ANK3: variants seen among roughly 807,000 people sequenced by gnomAD.
ANK3 encodes ankyrin 3.
A neutral mutation model predicts 370.9 loss-of-function variants in ANK3; 57 were observed. That is an observed-to-expected ratio of 0.15 (90% CI 0.12 to 0.19). The LOEUF (loss-of-function observed/expected upper bound fraction) is 0.19, where lower values mean the gene tolerates loss of function less well. Among genes scored for constraint, ANK3 ranks in the 10% least tolerant of loss-of-function variants. The pLI, the probability that ANK3 is intolerant of heterozygous loss-of-function variation, is 1.00. For missense variants in ANK3, 4,439 were observed against 5,302.1 expected, an observed-to-expected ratio of 0.84 and a Z score of 5.06; for synonymous variants, 1,929 against 1,946.3, an observed-to-expected ratio of 0.99 and a Z score of 0.23.
intron 1 of ANK3, among the ~76,000 whole-genome samples, chr10:60,625,677 T>C (rs775562673): frequency 3.9e-5 from 6 of 152,196 alleles, no homozygotes; most frequent in Non-Finnish European, 7.3e-5. Context: ...TATTAATATC[T>C]ACAATCTCAT....
intron 2 of ANK3, among the ~76,000 whole-genome samples, chr10:60,610,107 C>T (rs533367623): frequency 9.2e-5 from 14 of 152,098 alleles, no homozygotes; most frequent in African/African-American, 3.1e-4. Context: ...AATACTAATA[C>T]TCTAATAAAA....
At position 60,342,688 on chromosome 10, in the gene ANK3, C is replaced by A. The variant is rs576461172; in HGVS notation, c.114+46737G>T. On this transcript the variant is annotated intron_variant, in intron 1 of 43. Transcript: ENST00000280772. ...TGGTTCACTAAGTCTGAGCATTGAA[C>A]CAGACAAGTTAGGTAATAGGCTGGA... 2.6e-5 allele frequency among the ~76,000 whole-genome samples: 4 copies of A among 152,094 alleles called. No individual in the cohort carries two copies. In the South Asian group the frequency reaches 8.3e-4, roughly 31 times the overall value.
At chr10:60,336,665 T>A (rs2053029306) in intron 1 of ANK3, among the ~76,000 whole-genome samples, 1 of 152,226 alleles carries the variant, frequency 6.6e-6, no homozygotes, top group African/African-American at 2.4e-5. Flanking sequence ...GAAAAAGCTA[T>A]CAGTGGTTTA....
intron 1 of ANK3, among the ~76,000 whole-genome samples, chr10:60,293,249 G>T (rs117043753): frequency 7.2e-5 from 11 of 152,126 alleles, no homozygotes; most frequent in Middle Eastern, 3.4e-3. Context: ...ATCTCATCAC[G>T]CCTTCATTTA....
At chr10:60,064,691 C>T (rs2081297616) in intron 38 of ANK3, among the ~76,000 whole-genome samples, 1 of 151,844 alleles carries the variant, frequency 6.6e-6, no homozygotes, top group South Asian at 2.1e-4. Flanking sequence ...ACAACAACAA[C>T]AACAACAACA....
chr10:60,370,721 A>G (rs2059993566), intron 1 of ANK3, among the ~76,000 whole-genome samples: 1 of 152,102 alleles, frequency 6.6e-6, no homozygotes, highest in African/African-American at 2.4e-5. Context: ...CACTTCTCAA[A>G]ATTATTCAGT....
intron 1 of ANK3, among the ~76,000 whole-genome samples, chr10:60,666,706 A>G (rs866349185): frequency 3.9e-5 from 6 of 152,304 alleles, no homozygotes; most frequent in Admixed American, 6.5e-5. Context: ...AATGTAGACT[A>G]TCTTCAAGAT....
At chr10:60,212,586 C>T (rs955945436) in intron 9 of ANK3, among the ~76,000 whole-genome samples, 1 of 152,150 alleles carries the variant, frequency 6.6e-6, no homozygotes, top group African/African-American at 2.4e-5. Flanking sequence ...CCAATCTAAA[C>T]CCTACGTTTT....
At chr10:60,552,414 C>T (rs1202811893) in intron 2 of ANK3, among the ~76,000 whole-genome samples, 2 of 152,126 alleles carry the variant, frequency 1.3e-5, no homozygotes, top group African/African-American at 4.8e-5. Context: ...CAACAAAATA[C>T]TTTTATTACA....
At chr10:60,663,268 A>G (rs1349753903) in intron 1 of ANK3, among the ~76,000 whole-genome samples, 1 of 152,200 alleles carries the variant, frequency 6.6e-6, no homozygotes, top group African/African-American at 2.4e-5. Flanking sequence ...ACTGATTTTT[A>G]TACAGTGGTC....
At chr10:60,573,941 G>A (rs1481626496) in intron 2 of ANK3, among the ~76,000 whole-genome samples, 1 of 152,126 alleles carries the variant, frequency 6.6e-6, no homozygotes, top group Non-Finnish European at 1.5e-5. Context: ...AGGAGACATA[G>A]CATTCAAATG....
intron 2 of ANK3, among the ~76,000 whole-genome samples, chr10:60,431,508 G>A (rs929956816): frequency 6.6e-6 from 1 of 152,092 alleles, no homozygotes; most frequent in Non-Finnish European, 1.5e-5. Context: ...CACTACTGGG[G>A]AATAAGGACC....
intron 2 of ANK3, among the ~76,000 whole-genome samples, chr10:60,466,128 T>C (rs2133067391): frequency 6.6e-6 from 1 of 152,280 alleles, no homozygotes; most frequent in East Asian, 1.9e-4. Flanking sequence ...CATGGGTCTA[T>C]TTATGAAAAA....
chr10:60,354,511 T>C (rs942350326), intron 1 of ANK3, among the ~76,000 whole-genome samples: 18 of 152,348 alleles, frequency 1.2e-4, no homozygotes, highest in African/African-American at 3.8e-4. Context: ...TTTGATATTG[T>C]CTAGTAAGTC....
chr10:60,054,322 C>T (rs1241314683), intron 42 of ANK3, among the ~76,000 whole-genome samples: 4 of 152,136 alleles, frequency 2.6e-5, no homozygotes, highest in Admixed American at 1.3e-4. Context: ...AGACAGAAAT[C>T]AGTATTCAAA....
chr10:60,724,433 C>A (rs1172308817), intron 1 of ANK3, among the ~76,000 whole-genome samples: 1 of 151,862 alleles, frequency 6.6e-6, no homozygotes, highest in Non-Finnish European at 1.5e-5. Context: ...CTCTTCCCCC[C>A]AAAATTTACA....
At chr10:60,300,978 AG>A (rs1371682274) in intron 1 of ANK3, among the ~76,000 whole-genome samples, 1 of 151,826 alleles carries the variant, frequency 6.6e-6, no homozygotes, top group African/African-American at 2.4e-5. Flanking sequence ...TTTACTGCCG[AG>A]GAGAGTTACT....
intron 2 of ANK3, among the ~76,000 whole-genome samples, chr10:60,580,611 T>C (rs1443149726): frequency 6.6e-6 from 1 of 152,200 alleles, no homozygotes; most frequent in Non-Finnish European, 1.5e-5. Flanking sequence ...TATTAAGAAA[T>C]CTCTCCAAAT....
In ANK3 at chr10:60,074,400, C is replaced by T; in HGVS notation, c.6481G>A (p.Val2161Ile). 2 of 1,614,016 alleles carry T rather than the reference C, an allele frequency of 1.2e-6. No homozygotes were observed. Among genetic ancestry groups the T allele is most frequent in the South Asian group, 1.1e-5 (1 of 91,068 alleles). ...ACTTCAGTTCTTGTTTCTGTAATGACAGGAGGGATGGGAACTTCATGAAAA... is the reference window on the plus strand; with the variant it reads ...ACTTCAGTTCTTGTTTCTGTAATGATAGGAGGGATGGGAACTTCATGAAAA... ...PLFHEVPIPP[V>I]ITETRTEVVH... Residue 2161 changes from valine (V) to isoleucine (I), a missense_variant, in exon 37 of 44, where the codon GTC becomes ATC. By Grantham distance (29) the Val-to-Ile change is conservative. Transcript: ENST00000280772.
Sources: gnomAD v4.1 joint callset for allele counts (sites outside exome capture counted in the v4.1 genomes callset) on GRCh38, gnomAD v4.1.1 for gene constraint, MANE v1.5 for transcripts, NCBI Gene and HGNC (gene_info 2026-07-23, HGNC 2026-07-21) for gene names.